The following PAX7 variants were observed in gnomAD, a reference collection of about 807,000 sequenced individuals.
PAX7 encodes paired box protein Pax-7.
In PAX7, 18 loss-of-function variants were observed where a neutral mutation model predicts 50.7. That is an observed-to-expected ratio of 0.36 (90% CI 0.25 to 0.53). The LOEUF (loss-of-function observed/expected upper bound fraction) is 0.53, where lower values mean the gene tolerates loss of function less well. Among genes scored for constraint, PAX7 ranks in the 20% least tolerant of loss-of-function variants. The pLI is 0.93. For missense variants in PAX7, 644 were observed against 702.9 expected, an observed-to-expected ratio of 0.92 and a Z score of 0.95; for synonymous variants, 310 against 290.4, an observed-to-expected ratio of 1.07 and a Z score of -0.69.
At chr1:18,695,650 G>T (rs1021134569) in intron 5 of PAX7, among the ~76,000 whole-genome samples, 5 of 152,212 alleles carry the variant, frequency 3.3e-5, no homozygotes, top group African/African-American at 1.2e-4. Flanking sequence ...CCAAGGGGGT[G>T]TCAGGCAGGA....
At chr1:18,715,811 G>A (rs1308523244) in intron 7 of PAX7, among the ~76,000 whole-genome samples, 1 of 152,172 alleles carries the variant, frequency 6.6e-6, no homozygotes, top group African/African-American at 2.4e-5. Context: ...TTTGCAGATG[G>A]GGTCTGAGGC....
In PAX7 at chr1:18,700,792, C is replaced by A. The variant is rs778037085; in HGVS notation, c.926C>A (p.Thr309Asn). The change falls in exon 6 of 9, where the codon ACC (threonine) becomes AAC (asparagine). Residue 309 changes from threonine (T) to asparagine (N), a missense_variant. Physicochemically the swap from Thr to Asn is moderately conservative, Grantham distance 65. Coordinates refer to ENST00000420770, the MANE Select transcript of PAX7 (RefSeq NM_001135254.2). The surrounding 1 kb of genome is among the most constrained non-coding windows in gnomAD (Gnocchi z 4.8). ...CCCCCCTACCAGCTGCCGGACTCCA[C>A]CTACCCCACCACCACCATCTCCCAA... is the stretch of plus-strand genomic sequence containing the variant. ...TLPPYQLPDS[T>N]YPTTTISQDG... is the part of the protein sequence containing the mutation. 1.3e-6 allele frequency: 2 copies of A among 1,560,830 alleles called. No homozygotes were observed. The highest frequency in any genetic ancestry group is 5.0e-5 in the East Asian group (2 of 40,132).
At chr1:18,662,952 A>T (rs1258775032) in intron 4 of PAX7, among the ~76,000 whole-genome samples, 1 of 152,156 alleles carries the variant, frequency 6.6e-6, no homozygotes, top group African/African-American at 2.4e-5. Context: ...GAATATAGAA[A>T]GTAAAAAAGC....
intron 8 of PAX7, among the ~76,000 whole-genome samples, chr1:18,742,873 T>A (rs1235372972): frequency 6.6e-6 from 1 of 152,192 alleles, no homozygotes; most frequent in Admixed American, 6.5e-5. Context: ...TAAAGAACAG[T>A]GTCTCACTTC....
Position 18,745,276 on chromosome 1 carries a change from C to T in PAX7, c.*347C>T, listed in dbSNP as rs1931385462. 6 of 332,546 alleles carry T rather than the reference C, an allele frequency of 1.8e-5. No individual in the cohort carries two copies. The highest frequency in any genetic ancestry group is 2.8e-5 in the Non-Finnish European group (5 of 178,864). 20.6% of individuals were successfully genotyped at this position (332,546 alleles called of 1,614,324 possible). A position where few individuals can be genotyped will look rare whatever the true frequency, so the allele number is the denominator to read the frequency against. Reference sequence around the variant, plus strand: ...TTGGGTGTCCAGAGGAGGATGGTGCCTGAGAGGAGGTCCTACAGCCCTTTG... The same window carrying T: ...TTGGGTGTCCAGAGGAGGATGGTGCTTGAGAGGAGGTCCTACAGCCCTTTG... On this transcript the variant is annotated 3_prime_UTR_variant, in exon 9 of 9. Transcript: ENST00000420770.
At chr1:18,711,004 C>T (rs2089345059) in intron 7 of PAX7, among the ~76,000 whole-genome samples, 1 of 152,222 alleles carries the variant, frequency 6.6e-6, no homozygotes, top group South Asian at 2.1e-4. Flanking sequence ...CCTTCCTTCT[C>T]CTCCCTTCCT....
chr1:18,655,232 C>T (rs752236676), intron 4 of PAX7, among the ~76,000 whole-genome samples: 3 of 152,180 alleles, frequency 2.0e-5, no homozygotes, highest in Non-Finnish European at 2.9e-5. Context: ...CCAGTTTCCA[C>T]GGTCAGAAAC....
chr1:18,718,016 A>C (rs1462829035), intron 7 of PAX7, among the ~76,000 whole-genome samples: 1 of 152,104 alleles, frequency 6.6e-6, no homozygotes. Flanking sequence ...CCTCCTTAAC[A>C]AGCTATGGTT....
At chr1:18,738,404 G>A (rs1200855799) in intron 8 of PAX7, among the ~76,000 whole-genome samples, 3 of 152,138 alleles carry the variant, frequency 2.0e-5, no homozygotes, top group Non-Finnish European at 2.9e-5. Context: ...TGCTCAATTC[G>A]GAAATAAAAT....
intron 4 of PAX7, among the ~76,000 whole-genome samples, chr1:18,666,660 G>A (rs912263826): frequency 6.6e-6 from 1 of 152,180 alleles, no homozygotes; most frequent in Non-Finnish European, 1.5e-5. Context: ...GGTGACTGAG[G>A]GAGGCATCTA....
At chr1:18,692,086 G>A (rs1465351621) in intron 5 of PAX7, 133 bp downstream of exon 5, 6 of 725,110 alleles carry the variant, frequency 8.3e-6, no homozygotes, top group Non-Finnish European at 9.0e-6. Flanking sequence ...GTGTAGGCAA[G>A]TAATGCCACC....
At chr1:18,631,782 C>A in intron 1 of PAX7, 94 bp downstream of exon 1, 1 of 1,031,652 alleles carries the variant, frequency 9.7e-7, no homozygotes, top group African/African-American at 1.6e-5. Context: ...GTGGCGGCGC[C>A]GGCGATAGCA....
intron 6 of PAX7, among the ~76,000 whole-genome samples, chr1:18,702,275 G>T (rs2089232533): frequency 2.0e-5 from 3 of 152,078 alleles, no homozygotes; most frequent in Non-Finnish European, 4.4e-5. Flanking sequence ...GGAGGCGGAG[G>T]TTGCACGGAG....
At chr1:18,727,371 TACACACACACA>T (rs2089587717) in intron 7 of PAX7, among the ~76,000 whole-genome samples, 175 of 134,082 alleles carry the variant, frequency 1.3e-3, no homozygotes, top group African/African-American at 4.8e-3. Context: ...CTCTCTCTCA[TACACACACACA>T]CACACACACA....
chr1:18,659,305 G>A (rs541740644), intron 4 of PAX7, among the ~76,000 whole-genome samples: 1 of 152,292 alleles, frequency 6.6e-6, no homozygotes, highest in East Asian at 1.9e-4. Flanking sequence ...TCCCTAACTT[G>A]AGAACTTCTC....
intron 4 of PAX7, among the ~76,000 whole-genome samples, chr1:18,688,624 G>C (rs2089011708): frequency 6.6e-6 from 1 of 152,208 alleles, no homozygotes; most frequent in South Asian, 2.1e-4. Context: ...TTCCAGGCCA[G>C]GCATGGTGGC....
At chr1:18,688,823 A>G (rs2089014339) in intron 4 of PAX7, among the ~76,000 whole-genome samples, 1 of 152,232 alleles carries the variant, frequency 6.6e-6, no homozygotes, top group African/African-American at 2.4e-5. Flanking sequence ...GTGAGGCACG[A>G]CAACCATTTG....
At chr1:18,648,286 T>C (rs2088376997) in intron 4 of PAX7, among the ~76,000 whole-genome samples, 2 of 150,756 alleles carry the variant, frequency 1.3e-5, no homozygotes, top group Non-Finnish European at 3.0e-5. Context: ...GATTTGGAAG[T>C]TCTTTGAAGG....
chr1:18,667,436 A>AAGGAAGGAAGGG (rs2088686318), intron 4 of PAX7, among the ~76,000 whole-genome samples: 4 of 151,306 alleles, frequency 2.6e-5, no homozygotes, highest in Admixed American at 6.6e-5. Context: ...GGAAGGAAGG[A>AAGGAAGGAAGGG]AGGAAGGAAG....
Sources: allele counts gnomAD v4.1 joint callset (sites outside exome capture counted in the v4.1 genomes callset), GRCh38; gene constraint gnomAD v4.1.1; non-coding constraint Gnocchi (gnomAD v3.1); transcripts MANE v1.5; gene names NCBI Gene and HGNC (gene_info 2026-07-23, HGNC 2026-07-21).